APPL2: variants seen among roughly 807,000 people sequenced by gnomAD.
The protein encoded by APPL2 is DCC-interacting protein 13-beta.
A neutral mutation model predicts 92.7 loss-of-function variants in APPL2; 84 were observed. That is an observed-to-expected ratio of 0.91 (90% CI 0.76 to 1.09). The LOEUF (loss-of-function observed/expected upper bound fraction) is 1.09. Among genes scored for constraint, APPL2 ranks in the 50% least tolerant of loss-of-function variants. The pLI is 0.00. For synonymous variants in APPL2, 291 were observed against 291.0 expected (o/e 1.00, Z 0.00); for missense variants, 736 against 824.5 (o/e 0.89, Z 1.31).
intron 1 of APPL2, among the ~76,000 whole-genome samples, chr12:105,234,006 G>A (rs1368248599): frequency 1.3e-5 from 2 of 152,122 alleles, no homozygotes; most frequent in Non-Finnish European, 2.9e-5. Flanking sequence ...TTAGGCACAG[G>A]TCACATACAA....
At chr12:105,232,254 A>G (rs1360251174) in intron 1 of APPL2, among the ~76,000 whole-genome samples, 1 of 152,202 alleles carries the variant, frequency 6.6e-6, no homozygotes, top group Non-Finnish European at 1.5e-5. Flanking sequence ...CTACTGCCCG[A>G]CACTTTTAAG....
In APPL2 at chr12:105,197,961, TTG is replaced by T. The variant is rs768025482; in HGVS notation, c.864-10_864-9del. The T allele has an allele frequency of 3.0e-5, 49 of 1,612,012 alleles. No homozygotes were observed. The African/African-American group carries it at 4.3e-4, about 14-fold the overall frequency. Reference sequence around the variant, plus strand: ...GTGACCAGCCCTGTTTTGCTGTGAGTTGTGTTTTAAAAAGCCCATTAGTACCA... The same window carrying T: ...GTGACCAGCCCTGTTTTGCTGTGAGTTGTTTTAAAAAGCCCATTAGTACCA... On this transcript the variant is annotated splice_polypyrimidine_tract_variant and intron_variant, in intron 10 of 20. Coordinates refer to ENST00000258530, the MANE Select transcript of APPL2 (RefSeq NM_018171.5).
At chr12:105,193,530 A>G (rs2135952532) in intron 14 of APPL2, among the ~76,000 whole-genome samples, 1 of 152,358 alleles carries the variant, frequency 6.6e-6, no homozygotes, top group South Asian at 2.1e-4. Flanking sequence ...AACTTTACAA[A>G]GAGAAGACAT....
intron 8 of APPL2, 66 bp downstream of exon 8, chr12:105,206,995 G>A (rs1888755976): frequency 3.2e-6 from 5 of 1,558,620 alleles, no homozygotes; most frequent in Admixed American, 4.0e-5. Flanking sequence ...AGTGTCTCCT[G>A]CGTGCCCTCT....
chr12:105,201,741 A>T (rs1448459930), intron 9 of APPL2, among the ~76,000 whole-genome samples: 1 of 152,226 alleles, frequency 6.6e-6, no homozygotes, highest in Non-Finnish European at 1.5e-5. Flanking sequence ...CATATATATA[A>T]AATTATATAT....
At position 105,217,118 on chromosome 12, in the gene APPL2, T is replaced by A. The variant is rs1460592668; in HGVS notation, c.236A>T (p.Asp79Val). ...GTGGAGTGTTGAAATTACTTCTTCA[T>A]CACCTTTGCCAAGAGCAAAGTTCTA... ...EKQNFALGKG[D>V]EEVISTLHYF... is the part of the protein sequence containing the mutation. The change falls in exon 4 of 21, where the codon GAT becomes GTT. Residue 79 changes from aspartate to valine, a missense_variant. Transcript: ENST00000258530. 2 of 1,611,170 alleles carry A rather than the reference T, an allele frequency of 1.2e-6. No homozygotes were observed. Among genetic ancestry groups the A allele is most frequent in the African/African-American group, 1.3e-5 (1 of 74,896 alleles).
intron 9 of APPL2, among the ~76,000 whole-genome samples, chr12:105,200,864 G>C (rs11112408): frequency 0.13 from 17,907 of 134,718 alleles, 1,382 homozygotes; most frequent in African/African-American, 0.23. Context: ...ATGTATGTAT[G>C]TATCTATCTA....
intron 5 of APPL2, among the ~76,000 whole-genome samples, chr12:105,210,021 C>T (rs543571814): frequency 6.8e-4 from 103 of 151,914 alleles, no homozygotes; most frequent in Non-Finnish European, 1.2e-3. Context: ...AATGCAGTGG[C>T]GCGATCTCGG....
Position 105,183,404 on chromosome 12 carries a change from C to T in APPL2, c.1634+4869G>A, listed in dbSNP as rs1280156422. ...TTGCAGTGGCTGGTACTGGTTTTTCCTTTCCATATTTAGTGCTTCCTTCAG... is the reference window on the plus strand; with the variant it reads ...TTGCAGTGGCTGGTACTGGTTTTTCTTTTCCATATTTAGTGCTTCCTTCAG... On this transcript the variant is annotated intron_variant, in intron 17 of 20. Coordinates refer to ENST00000258530, the MANE Select transcript of APPL2 (RefSeq NM_018171.5). Among the ~76,000 whole-genome samples the T allele has an allele frequency of 2.0e-5, 3 of 152,094 alleles. No homozygotes were observed. In the South Asian group the frequency reaches 6.2e-4, roughly 32 times the overall value.
chr12:105,209,441 C>T (rs1261885221), intron 5 of APPL2, among the ~76,000 whole-genome samples: 1 of 152,148 alleles, frequency 6.6e-6, no homozygotes, highest in Non-Finnish European at 1.5e-5. Flanking sequence ...TACTACTCAT[C>T]CACATTTGGG....
At chr12:105,176,424 G>C in intron 19 of APPL2, 1 of 465,708 alleles carries the variant, frequency 2.1e-6, no homozygotes, top group South Asian at 5.4e-5. Context: ...TTTACTGAAA[G>C]GATTGGTTAA....
chr12:105,210,190 G>A (rs1039602765), intron 5 of APPL2, among the ~76,000 whole-genome samples: 5 of 152,100 alleles, frequency 3.3e-5, no homozygotes, highest in African/African-American at 1.2e-4. Context: ...TCGATCTCCT[G>A]ACCTAGTGAT....
chr12:105,191,988 C>T (rs548047289), intron 14 of APPL2, among the ~76,000 whole-genome samples: 24 of 152,250 alleles, frequency 1.6e-4, no homozygotes, highest in African/African-American at 2.4e-4. Context: ...CCAGACCAGA[C>T]GTTTTCTTTG....
At chr12:105,230,363 T>C (rs1159010678) in intron 1 of APPL2, among the ~76,000 whole-genome samples, 1 of 152,112 alleles carries the variant, frequency 6.6e-6, no homozygotes, top group Admixed American at 6.5e-5. Context: ...CGAACAAGAA[T>C]TAAGGTGCAC....
intron 1 of APPL2, chr12:105,233,129 A>T (rs1196779): frequency 1.0e-6 from 1 of 985,290 alleles, no homozygotes; most frequent in African/African-American, 1.7e-5. Context: ...TACAAGCTGC[A>T]GGAGCTCAAA....
At chr12:105,177,532 C>T (rs932395086) in intron 17 of APPL2, 17 of 488,808 alleles carry the variant, frequency 3.5e-5, no homozygotes, top group Non-Finnish European at 4.8e-5. Context: ...CCCAAACAGA[C>T]AGCATTATAA....
At chr12:105,234,122 A>T (rs765279681) in intron 1 of APPL2, among the ~76,000 whole-genome samples, 50 of 152,346 alleles carry the variant, frequency 3.3e-4, no homozygotes, top group Middle Eastern at 3.4e-3. Flanking sequence ...GGTGATGGCC[A>T]AGTCTCAAAA....
intron 5 of APPL2, among the ~76,000 whole-genome samples, chr12:105,210,426 A>AT (rs1889121739): frequency 6.6e-6 from 1 of 152,320 alleles, no homozygotes; most frequent in East Asian, 1.9e-4. Flanking sequence ...ACTTGTTTAT[A>AT]TCAGTGTTCT....
chr12:105,207,583 G>T (rs926055955), intron 7 of APPL2, among the ~76,000 whole-genome samples: 1 of 152,184 alleles, frequency 6.6e-6, no homozygotes, highest in Non-Finnish European at 1.5e-5. Flanking sequence ...GAAGTAAAAA[G>T]TTATATGCAT....
Sources: allele counts gnomAD v4.1 joint callset (sites outside exome capture counted in the v4.1 genomes callset), GRCh38; gene constraint gnomAD v4.1.1; transcripts MANE v1.5; gene names NCBI Gene and HGNC (gene_info 2026-07-23, HGNC 2026-07-21).